Variants in CCDC3 observed in about 807,000 individuals in gnomAD.
CCDC3 encodes coiled-coil domain containing 3, also known as coiled-coil domain-containing protein 3.
A neutral mutation model predicts 21.4 loss-of-function variants in CCDC3; 24 were observed. The observed-to-expected ratio is 1.12, with a 90% CI of 0.81 to 1.58. The LOEUF (loss-of-function observed/expected upper bound fraction) is 1.58, where lower values mean the gene tolerates loss of function less well. Among genes scored for constraint, CCDC3 ranks in the 40% most tolerant of loss-of-function variants. The pLI, the probability that CCDC3 is intolerant of heterozygous loss-of-function variation, is 0.00. For missense variants in CCDC3, 425 were observed against 360.9 expected (o/e 1.18, Z -1.44); for synonymous variants, 186 against 166.0 (o/e 1.12, Z -0.93).
intron 2 of CCDC3, among the ~76,000 whole-genome samples, chr10:12,940,216 A>T (rs2131237152): frequency 6.8e-6 from 1 of 146,562 alleles, no homozygotes; most frequent in South Asian, 2.2e-4. Context: ...CTGGAGAAAG[A>T]ATCATTGAAA....
chr10:12,934,799 G>A (rs1834708819), intron 2 of CCDC3, among the ~76,000 whole-genome samples: 1 of 151,520 alleles, frequency 6.6e-6, no homozygotes, highest in African/African-American at 2.4e-5. Flanking sequence ...ATGGCTTTCT[G>A]CGTCCCTTTA....
At chr10:12,962,675 A>G (rs1033538126) in intron 2 of CCDC3, among the ~76,000 whole-genome samples, 7 of 152,260 alleles carry the variant, frequency 4.6e-5, no homozygotes, top group Non-Finnish European at 1.5e-5. Context: ...TGTTACATTT[A>G]AAATGACACA....
intron 5 of CCDC3, among the ~76,000 whole-genome samples, chr10:13,007,815 T>C (rs11258120): frequency 0.15 from 22,792 of 152,244 alleles, 1,990 homozygotes; most frequent in Admixed American, 0.23. Context: ...GAGTGAGTTC[T>C]TCTTCTTTCT....
intron 2 of CCDC3, among the ~76,000 whole-genome samples, chr10:12,974,181 G>C (rs1156282728): frequency 1.3e-5 from 2 of 152,238 alleles, no homozygotes; most frequent in Admixed American, 1.3e-4. Context: ...AAATTTGCTG[G>C]ATAGGAAAAG....
intron 2 of CCDC3, among the ~76,000 whole-genome samples, chr10:12,927,034 C>A (rs1339445235): frequency 6.6e-6 from 1 of 152,142 alleles, no homozygotes; most frequent in African/African-American, 2.4e-5. Context: ...ATATTAGCAA[C>A]CAAGAAAGAG....
chr10:13,000,877 A>T (rs1167499992), intron 1 of CCDC3, among the ~76,000 whole-genome samples: 1 of 152,154 alleles, frequency 6.6e-6, no homozygotes. Context: ...ATCTACTCCC[A>T]CTGAGGCCAG....
chr10:12,958,316 A>C (rs956380165), intron 2 of CCDC3, among the ~76,000 whole-genome samples: 2 of 152,170 alleles, frequency 1.3e-5, no homozygotes, highest in African/African-American at 4.8e-5. Context: ...CTAGAACTGC[A>C]ACCTGACACC....
chr10:12,973,266 A>G (rs1835369383), intron 2 of CCDC3, among the ~76,000 whole-genome samples: 1 of 151,890 alleles, frequency 6.6e-6, no homozygotes, highest in Non-Finnish European at 1.5e-5. Context: ...ATATCACAGC[A>G]TGGTGCAGGG....
At chr10:13,071,987 C>A (rs1321241128) in intron 4 of CCDC3, among the ~76,000 whole-genome samples, 1 of 152,090 alleles carries the variant, frequency 6.6e-6, no homozygotes, top group African/African-American at 2.4e-5. Context: ...TGGTTTAGTA[C>A]TGGGCTCAGG....
At chr10:13,068,217 T>G (rs1362774108) in intron 4 of CCDC3, among the ~76,000 whole-genome samples, 4 of 152,178 alleles carry the variant, frequency 2.6e-5, no homozygotes, top group Non-Finnish European at 5.9e-5. Context: ...AAAAGCTGCA[T>G]GTTTTTCTGG....
chr10:12,948,164 A>C (rs150639154), intron 2 of CCDC3, among the ~76,000 whole-genome samples: 1 of 152,202 alleles, frequency 6.6e-6, no homozygotes, highest in Non-Finnish European at 1.5e-5. Flanking sequence ...ATGGTTTTAT[A>C]AAGGGCAGTT....
intron 5 of CCDC3, among the ~76,000 whole-genome samples, chr10:13,043,164 G>A (rs2131419736): frequency 6.6e-6 from 1 of 152,226 alleles, no homozygotes; most frequent in African/African-American, 2.4e-5. Flanking sequence ...AAGTGATCCT[G>A]TCATCCAGGT....
At chr10:12,947,407 C>T (rs1421445095) in intron 2 of CCDC3, among the ~76,000 whole-genome samples, 1 of 152,196 alleles carries the variant, frequency 6.6e-6, no homozygotes, top group African/African-American at 2.4e-5. Context: ...CTTGGCCTCC[C>T]AAAGTGCTGA....
At chr10:13,073,107 C>T (rs535340067) in intron 4 of CCDC3, among the ~76,000 whole-genome samples, 1 of 152,212 alleles carries the variant, frequency 6.6e-6, no homozygotes, top group Non-Finnish European at 1.5e-5. Context: ...CTCTAATGAT[C>T]CACCTGCCTT....
chr10:13,099,825 G>C (rs563456918), upstream of CCDC3: 1 of 152,130 alleles, frequency 6.6e-6, no homozygotes, highest in Non-Finnish European at 1.5e-5. Flanking sequence ...GGATCTGCGG[G>C]AAGACACGGG....
chr10:13,058,620 C>T (rs956762631), intron 4 of CCDC3: 22 of 608,020 alleles, frequency 3.6e-5, no homozygotes, highest in African/African-American at 1.6e-4. Context: ...GTCTTCTAAA[C>T]GTCACTTGGT....
At chr10:12,925,110 G>C (rs1207317313) in intron 2 of CCDC3, among the ~76,000 whole-genome samples, 1 of 152,174 alleles carries the variant, frequency 6.6e-6, no homozygotes, top group East Asian at 1.9e-4. Flanking sequence ...AGGCAGAGGT[G>C]TTCTGAATGA....
chr10:13,038,715 A>T (rs1405493626), intron 5 of CCDC3, among the ~76,000 whole-genome samples: 3 of 152,324 alleles, frequency 2.0e-5, no homozygotes, highest in Non-Finnish European at 4.4e-5. Context: ...GATTAGAAGC[A>T]ATAATAAGGA....
At chr10:13,047,403 T>G (rs1836543394) in intron 5 of CCDC3, among the ~76,000 whole-genome samples, 1 of 152,130 alleles carries the variant, frequency 6.6e-6, no homozygotes. Context: ...TGGATCACAG[T>G]GCCCTTTGAA....
Sources: allele counts gnomAD v4.1 joint callset (sites outside exome capture counted in the v4.1 genomes callset), GRCh38; gene constraint gnomAD v4.1.1; transcripts MANE v1.5; gene names NCBI Gene and HGNC (gene_info 2026-07-23, HGNC 2026-07-21).